IQCK: variants seen among roughly 807,000 people sequenced by gnomAD.
IQCK encodes the protein IQ domain-containing protein K.
In IQCK, 29 loss-of-function variants were observed where a neutral mutation model predicts 28.1. The observed-to-expected ratio is 1.03, with a 90% confidence interval of 0.77 to 1.41. IQCK has a LOEUF of 1.41. Ranked by LOEUF, IQCK falls within the 40% of genes most tolerant of loss-of-function variation. The pLI is 0.00. For missense variants in IQCK, 359 were observed against 314.7 expected (o/e 1.14, Z -1.07); for synonymous variants, 113 against 115.1 (o/e 0.98, Z 0.12).
chr16:19,757,223 C>G (rs1169921541), intron 4 of IQCK, among the ~76,000 whole-genome samples: 1 of 152,166 alleles, frequency 6.6e-6, no homozygotes, highest in East Asian at 1.9e-4. Context: ...TTTGACTTTT[C>G]TAGGTGGAAT....
chr16:19,749,536 C>T (rs1415764073), intron 4 of IQCK, among the ~76,000 whole-genome samples: 1 of 152,136 alleles, frequency 6.6e-6, no homozygotes, highest in Non-Finnish European at 1.5e-5. Context: ...GAGGCAAGAG[C>T]ATCGCCTGAG....
At chr16:19,832,189 A>G (rs2056240217), downstream of IQCK, among the ~76,000 whole-genome samples, 1 of 151,890 alleles carries the variant, frequency 6.6e-6, no homozygotes, top group Non-Finnish European at 1.5e-5. Context: ...AAGAAACCAT[A>G]GAAATTGTTC....
rs879757935 is a variant in IQCK at position 19,825,520 on chromosome 16, CA to C, written c.691-1493del. Among the ~76,000 whole-genome samples, 204 of 136,440 alleles carry C rather than the reference CA, an allele frequency of 1.5e-3. No individual in the cohort carries two copies. Among genetic ancestry groups the C allele is most frequent in the Middle Eastern group, 3.9e-3 (1 of 258 alleles). The allele number at this position is 136,440 out of a possible 152,430, so 89.5% of individuals were successfully genotyped here. On this transcript the variant is annotated intron_variant, in intron 7 of 7. Transcript: ENST00000564186. The surrounding 1 kb of genome is among the most constrained non-coding windows in gnomAD (Gnocchi z 4.2). ...GGGCAGCAAGAACGAAACTCCATCTCAAAAAAAAAAAAATGTAAAATATTTG... is the reference window on the plus strand; with the variant it reads ...GGGCAGCAAGAACGAAACTCCATCTCAAAAAAAAAAAATGTAAAATATTTG...
At chr16:19,789,458 C>A (rs1217173710) in intron 7 of IQCK, among the ~76,000 whole-genome samples, 3 of 63,192 alleles carry the variant, frequency 4.7e-5, no homozygotes, top group African/African-American at 2.2e-4. Context: ...TTTACCAAAA[C>A]TTATTTTGTA....
At chr16:19,844,264 G>A (rs1403922331) in intron 9 of IQCK, among the ~76,000 whole-genome samples, 1 of 152,094 alleles carries the variant, frequency 6.6e-6, no homozygotes, top group Non-Finnish European at 1.5e-5. Flanking sequence ...ATTTTTAGTA[G>A]TGACAGGGTT....
intron 6 of IQCK, among the ~76,000 whole-genome samples, chr16:19,783,952 C>T (rs761497675): frequency 5.9e-5 from 9 of 152,198 alleles, no homozygotes; most frequent in Non-Finnish European, 1.0e-4. Context: ...TTTCCTGCTG[C>T]TGTTCCGAAA....
chr16:19,767,137 G>C (rs2055250263), intron 6 of IQCK, among the ~76,000 whole-genome samples: 1 of 152,310 alleles, frequency 6.6e-6, no homozygotes, highest in South Asian at 2.1e-4. Context: ...CAGGCAGGCA[G>C]GTTGTCGGGC....
intron 4 of IQCK, among the ~76,000 whole-genome samples, chr16:19,757,595 A>G (rs1053014516): frequency 6.6e-6 from 1 of 152,168 alleles, no homozygotes; most frequent in Admixed American, 6.5e-5. Flanking sequence ...GCTTGAACCC[A>G]GGTGGTGGAG....
chr16:19,857,564 A>T (rs2056577590), exon 10 of IQCK: 1 of 363,702 alleles, frequency 2.7e-6, no homozygotes, highest in Non-Finnish European at 5.2e-6. Flanking sequence ...TTCATCAGTT[A>T]ATAAAAAGCA....
intron 1 of IQCK, among the ~76,000 whole-genome samples, chr16:19,721,282 C>CA (rs772576888): frequency 5.9e-5 from 9 of 152,190 alleles, no homozygotes; most frequent in Non-Finnish European, 1.0e-4. Flanking sequence ...GCCAGAAACT[C>CA]AATTTCATGA....
intron 6 of IQCK, among the ~76,000 whole-genome samples, chr16:19,787,056 G>T (rs576904100): frequency 3.0e-5 from 2 of 66,566 alleles, no homozygotes; most frequent in Middle Eastern, 5.0e-3. Context: ...GGTTCTGGAA[G>T]AATTCAAAAG....
exon 10 of IQCK, chr16:19,858,277 C>T: frequency 2.5e-6 from 1 of 407,560 alleles, no homozygotes; most frequent in African/African-American, 2.0e-5. Context: ...CCTTAAAAGC[C>T]AAAATAAAAC....
chr16:19,721,491 G>C (rs917041007), intron 1 of IQCK, among the ~76,000 whole-genome samples: 1 of 152,126 alleles, frequency 6.6e-6, no homozygotes, highest in Non-Finnish European at 1.5e-5. Context: ...ACTTCTTCCC[G>C]GCCAACACTT....
chr16:19,746,325 TACAA>T (rs57331989), intron 4 of IQCK, among the ~76,000 whole-genome samples: 9,598 of 152,172 alleles, frequency 0.063, 953 homozygotes, highest in African/African-American at 0.22. Context: ...GTAACTGTGT[TACAA>T]ACAATCCAAT....
At chr16:19,833,997 A>T (rs2056264680) in intron 9 of IQCK, among the ~76,000 whole-genome samples, 1 of 152,170 alleles carries the variant, frequency 6.6e-6, no homozygotes, top group Non-Finnish European at 1.5e-5. Context: ...CTGAGGTGGG[A>T]GGATTGCTTG....
intron 7 of IQCK, among the ~76,000 whole-genome samples, chr16:19,793,636 C>G (rs1460959426): frequency 1.9e-5 from 2 of 103,498 alleles, no homozygotes; most frequent in African/African-American, 8.6e-5. Flanking sequence ...ATCGAAATCT[C>G]AGTTGGGTTT....
In IQCK at chr16:19,739,861, G is replaced by A. The variant is rs116577558; in HGVS notation, c.474+4411G>A. Among the ~76,000 whole-genome samples the A allele has an allele frequency of 2.0e-3, 300 of 151,844 alleles. 3 individuals carry two copies. The highest frequency in any genetic ancestry group is 7.0e-3 in the African/African-American group (292 of 41,450). On this transcript the variant is annotated intron_variant, in intron 4 of 7. Coordinates refer to ENST00000564186, the Ensembl canonical transcript of IQCK. ...CTCATTGATTTATTGCCCGTTGTGCGTCAGCACTGGCATCCTATGCACCAT... is the reference window on the plus strand; with the variant it reads ...CTCATTGATTTATTGCCCGTTGTGCATCAGCACTGGCATCCTATGCACCAT...
At chr16:19,839,076 G>A (rs2056333573) in intron 9 of IQCK, among the ~76,000 whole-genome samples, 1 of 150,436 alleles carries the variant, frequency 6.6e-6, no homozygotes, top group Non-Finnish European at 1.5e-5. Flanking sequence ...TTCAGGGGAG[G>A]AAACTGTGTC....
chr16:19,722,626 A>G (rs1977529720), intron 1 of IQCK, among the ~76,000 whole-genome samples: 1 of 152,118 alleles, frequency 6.6e-6, no homozygotes, highest in East Asian at 1.9e-4. Flanking sequence ...TGGGCCAGGT[A>G]TAACTGCAGG....
Sources: allele counts gnomAD v4.1 joint callset (sites outside exome capture counted in the v4.1 genomes callset), GRCh38; gene constraint gnomAD v4.1.1; non-coding constraint Gnocchi (gnomAD v3.1); transcripts MANE v1.5; gene names NCBI Gene and HGNC (gene_info 2026-07-23, HGNC 2026-07-21).